The following FAM171A1 variants were observed in gnomAD, a reference collection of about 807,000 sequenced individuals.
FAM171A1 encodes protein FAM171A1.
Under a neutral mutation model 74.9 loss-of-function variants are expected in FAM171A1, and 23 were observed. The observed-to-expected ratio is 0.31, with a 90% CI of 0.22 to 0.44. The LOEUF (loss-of-function observed/expected upper bound fraction) is 0.44, where lower values mean the gene tolerates loss of function less well. Ranked by LOEUF, FAM171A1 falls within the 20% of genes least tolerant of loss-of-function variation. The pLI, the probability that FAM171A1 is intolerant of heterozygous loss-of-function variation, is 1.00. For missense variants in FAM171A1, 1,162 were observed against 1,159.2 expected, an observed-to-expected ratio of 1.00 and a Z score of -0.03; for synonymous variants, 527 against 505.7, an observed-to-expected ratio of 1.04 and a Z score of -0.57.
intron 5 of FAM171A1, among the ~76,000 whole-genome samples, chr10:15,223,598 T>A (rs934045148): frequency 6.6e-6 from 1 of 152,116 alleles, no homozygotes; most frequent in Non-Finnish European, 1.5e-5. Context: ...AAACAGACTT[T>A]AAAAAATAGC....
chr10:15,349,025 G>C (rs1835849307), intron 1 of FAM171A1, among the ~76,000 whole-genome samples: 1 of 152,154 alleles, frequency 6.6e-6, no homozygotes, highest in African/African-American at 2.4e-5. Flanking sequence ...ACATGAATCG[G>C]GAGGGAGGAA....
At chr10:15,232,494 A>G (rs552727846) in intron 5 of FAM171A1, among the ~76,000 whole-genome samples, 1 of 152,224 alleles carries the variant, frequency 6.6e-6, no homozygotes, top group Non-Finnish European at 1.5e-5. Context: ...GGCACAAAGA[A>G]GATGTTCAAT....
rs1215638648 is a variant in FAM171A1, at chr10:15,336,200, C to T, written c.97+34756G>A. On this transcript the variant is annotated intron_variant, in intron 1 of 7. Transcript: ENST00000378116. ...GTTTAGGGACAGAGAAACCTAGAGT[C>T]ATACCAGGATGGAAAGCCACCATCT... is the stretch of plus-strand genomic sequence containing the variant. 3.3e-5 allele frequency among the ~76,000 whole-genome samples: 5 copies of T among 152,286 alleles called. No homozygotes were observed. The East Asian group carries it at 9.7e-4, about 29-fold the overall frequency.
chr10:15,295,166 GA>G (rs1835146238), intron 1 of FAM171A1, among the ~76,000 whole-genome samples: 1 of 152,070 alleles, frequency 6.6e-6, no homozygotes, highest in Admixed American at 6.6e-5. Context: ...TTGAACTCCT[GA>G]CCTCAGGTGA....
chr10:15,320,351 G>T (rs1038271745), intron 1 of FAM171A1, among the ~76,000 whole-genome samples: 5 of 152,130 alleles, frequency 3.3e-5, no homozygotes, highest in African/African-American at 1.2e-4. Context: ...GTACCACACT[G>T]TCTTCTTCCA....
chr10:15,278,598 T>C (rs1834925684), intron 2 of FAM171A1, among the ~76,000 whole-genome samples: 1 of 152,198 alleles, frequency 6.6e-6, no homozygotes, highest in Admixed American at 6.5e-5. Flanking sequence ...TGACATGTGC[T>C]ACAACGTGGA....
chr10:15,284,829 G>A (rs1443737450), intron 1 of FAM171A1, among the ~76,000 whole-genome samples: 1 of 151,870 alleles, frequency 6.6e-6, no homozygotes, highest in Non-Finnish European at 1.5e-5. Context: ...AAGTAACCCA[G>A]GATTGTGCAC....
At chr10:15,292,499 G>A (rs980308921) in intron 1 of FAM171A1, among the ~76,000 whole-genome samples, 1 of 151,900 alleles carries the variant, frequency 6.6e-6, no homozygotes, top group Admixed American at 6.6e-5. Context: ...GTTGTTTTTT[G>A]AGACAGGATC....
In FAM171A1 at chr10:15,254,708, A is replaced by AAGAGAAAC. The variant is rs1564623977; in HGVS notation, c.577+12_577+13insGTTTCTCT. On this transcript the variant is annotated intron_variant, in intron 4 of 7. Coordinates refer to ENST00000378116, the MANE Select transcript of FAM171A1 (RefSeq NM_001010924.2). ...CAGTAACTCCCACTGAAAAGAGAAAAGACTCCAATTACCTGTTCCATTTCC... is the reference window on the plus strand; with the variant it reads ...CAGTAACTCCCACTGAAAAGAGAAAAAGAGAAACGACTCCAATTACCTGTTCCATTTCC... 1 of 1,610,344 alleles carries AAGAGAAAC rather than the reference A, an allele frequency of 6.2e-7. No homozygotes were observed. Among genetic ancestry groups the AAGAGAAAC allele is most frequent in the African/African-American group, 1.3e-5 (1 of 74,632 alleles).
At chr10:15,216,571 C>T (rs527551450) in intron 6 of FAM171A1, among the ~76,000 whole-genome samples, 7 of 152,102 alleles carry the variant, frequency 4.6e-5, no homozygotes, top group Non-Finnish European at 8.8e-5. Flanking sequence ...GCTGGGACTA[C>T]AGGCACGCAC....
intron 1 of FAM171A1, among the ~76,000 whole-genome samples, chr10:15,284,932 T>TA (rs553987604): frequency 3.1e-3 from 309 of 98,644 alleles, no homozygotes; most frequent in East Asian, 0.013. Flanking sequence ...AGAAAAAGAA[T>TA]AAAAAAAAAA....
rs1359437823 is a variant in FAM171A1 at position 15,312,789 on chromosome 10, C to T, written c.98-28684G>A. Among the ~76,000 whole-genome samples the T allele has an allele frequency of 3.6e-5, 5 of 139,296 alleles. No individual in the cohort carries two copies. In the East Asian group the frequency reaches 1.2e-3, roughly 34 times the overall value. 91.4% of individuals were successfully genotyped at this position (139,296 alleles called of 152,430 possible). ...CTCGGCTCACTGCAAACTCCGCCTC[C>T]GAGGTCTAAGCGATTCTCCTGCCTC... On this transcript the variant is annotated intron_variant, in intron 1 of 7. Coordinates refer to ENST00000378116, the MANE Select transcript of FAM171A1 (RefSeq NM_001010924.2).
intron 5 of FAM171A1, among the ~76,000 whole-genome samples, chr10:15,247,297 C>T (rs770287385): frequency 6.6e-6 from 1 of 152,160 alleles, no homozygotes; most frequent in Non-Finnish European, 1.5e-5. Context: ...TGAGTGGTCT[C>T]GTTCTGTTGC....
In FAM171A1 at chr10:15,254,861, C is replaced by G; in HGVS notation, c.437G>C (p.Arg146Pro). The G allele has an allele frequency of 6.2e-7, 1 of 1,613,824 alleles. No homozygotes were observed. ...SGFQGARPQP[R>P]VHFQRRALRL... ...CAGAGCCCTTCTCTGGAAATGAACG[C>G]GAGGCTGTGGCCGGGCACCTGCAGA... The change falls in exon 4 of 8, where the codon CGC becomes CCC. Residue 146 changes from arginine to proline, a missense_variant. Transcript: ENST00000378116.
intron 1 of FAM171A1, among the ~76,000 whole-genome samples, chr10:15,294,645 G>T (rs1371089601): frequency 1.3e-5 from 2 of 152,170 alleles, no homozygotes; most frequent in African/African-American, 2.4e-5. Context: ...TGCTTTGTGG[G>T]TAGAAAACTA....
At chr10:15,366,581 C>T (rs529238417) in intron 1 of FAM171A1, among the ~76,000 whole-genome samples, 34 of 152,280 alleles carry the variant, frequency 2.2e-4, no homozygotes, top group Admixed American at 2.0e-3. Flanking sequence ...CTTGATCAAA[C>T]TATAACAGCA....
intron 1 of FAM171A1, among the ~76,000 whole-genome samples, chr10:15,353,174 G>A (rs1183390057): frequency 2.6e-5 from 4 of 152,170 alleles, no homozygotes; most frequent in African/African-American, 9.7e-5. Context: ...GTAACAAAGA[G>A]AAGAGGGTGA....
At chr10:15,260,666 G>A (rs1429474461) in intron 3 of FAM171A1, among the ~76,000 whole-genome samples, 1 of 152,138 alleles carries the variant, frequency 6.6e-6, no homozygotes, top group African/African-American at 2.4e-5. Context: ...AGTTAAACCT[G>A]GCAACTCACT....
chr10:15,224,535 C>T (rs891452256), intron 5 of FAM171A1, among the ~76,000 whole-genome samples: 3 of 152,106 alleles, frequency 2.0e-5, no homozygotes, highest in African/African-American at 7.2e-5. Flanking sequence ...GTAGCTCCCA[C>T]AATTCCTGTG....
Sources: gnomAD v4.1 joint callset for allele counts (sites outside exome capture counted in the v4.1 genomes callset) on GRCh38, gnomAD v4.1.1 for gene constraint, MANE v1.5 for transcripts, NCBI Gene and HGNC (gene_info 2026-07-23, HGNC 2026-07-21) for gene names.